Variants in FGGY observed in about 807,000 individuals in gnomAD.
FGGY encodes FGGY carbohydrate kinase domain-containing protein.
In FGGY, 72 loss-of-function variants were observed where a neutral mutation model predicts 71.3. That is an observed-to-expected ratio of 1.01 (90% CI 0.84 to 1.23). FGGY has a LOEUF of 1.23. Ranked by LOEUF, FGGY falls within the 50% of genes most tolerant of loss-of-function variation. FGGY has a pLI of 0.00. For synonymous variants in FGGY, 251 were observed against 250.3 expected (o/e 1.00, Z -0.02); for missense variants, 668 against 682.3 (o/e 0.98, Z 0.23).
rs1376801012 is a variant in FGGY, at chr1:59,560,482, C to CAT, written c.903+6261_903+6262dup. ...AATATATCAGTGTCATTCACTGTGACATATATACTTGACAAGATAGTAATG... is the reference window on the plus strand; with the variant it reads ...AATATATCAGTGTCATTCACTGTGACATATATATACTTGACAAGATAGTAATG... On this transcript the variant is annotated intron_variant, in intron 8 of 15. Coordinates refer to ENST00000303721, the MANE Select transcript of FGGY (RefSeq NM_018291.5). 4.6e-5 allele frequency among the ~76,000 whole-genome samples: 7 copies of CAT among 152,128 alleles called. No homozygotes were observed. The East Asian group carries it at 5.8e-4, about 13-fold the overall frequency.
chr1:59,557,824 GT>G (rs1177412863), intron 8 of FGGY, among the ~76,000 whole-genome samples: 1 of 152,146 alleles, frequency 6.6e-6, no homozygotes, highest in Non-Finnish European at 1.5e-5. Context: ...TTGTCTTCCA[GT>G]TAGCATGTCA....
chr1:59,304,239 T>C (rs994678667), intron 1 of FGGY, among the ~76,000 whole-genome samples: 1 of 152,180 alleles, frequency 6.6e-6, no homozygotes, highest in African/African-American at 2.4e-5. Context: ...TAATCCATTT[T>C]GAGTTGATTT....
At chr1:59,305,969 G>T (rs2043378418) in intron 1 of FGGY, among the ~76,000 whole-genome samples, 1 of 152,170 alleles carries the variant, frequency 6.6e-6, no homozygotes, top group Non-Finnish European at 1.5e-5. Flanking sequence ...AACTCAGGGA[G>T]ACTGCTGGGC....
intron 1 of FGGY, among the ~76,000 whole-genome samples, chr1:59,312,838 C>T (rs1445762252): frequency 6.6e-6 from 1 of 152,182 alleles, no homozygotes; most frequent in African/African-American, 2.4e-5. Flanking sequence ...AGTTTGGATT[C>T]TTGTGGCTGC....
At chr1:59,603,059 A>G (rs12745808) in intron 8 of FGGY, among the ~76,000 whole-genome samples, 14,559 of 152,260 alleles carry the variant, frequency 0.096, 837 homozygotes, top group South Asian at 0.3. Flanking sequence ...TCAGACACAA[A>G]GAGTACACCA....
At chr1:59,374,246 C>T (rs1470962897) in intron 4 of FGGY, among the ~76,000 whole-genome samples, 3 of 152,236 alleles carry the variant, frequency 2.0e-5, no homozygotes, top group East Asian at 1.9e-4. Flanking sequence ...GGGTGCAGGA[C>T]ATGAACAGAC....
chr1:59,596,845 T>C (rs2096530148), intron 8 of FGGY, among the ~76,000 whole-genome samples: 1 of 152,168 alleles, frequency 6.6e-6, no homozygotes, highest in African/African-American at 2.4e-5. Flanking sequence ...AGCTAGGGAA[T>C]GTAGGCTTTC....
intron 6 of FGGY, among the ~76,000 whole-genome samples, chr1:59,499,014 A>C (rs1051615821): frequency 6.6e-6 from 1 of 152,172 alleles, no homozygotes; most frequent in African/African-American, 2.4e-5. Flanking sequence ...TCTATTTTAC[A>C]GTTCCAAATT....
rs1329441893 is a variant in FGGY at position 59,761,833 on chromosome 1, A to G, written c.1575-670A>G. ...CTAGATGTGGAATCTGCAAAAGGGC[A>G]ATTAAAATGTTCAGTCTTTGTCCTT... On this transcript the variant is annotated intron_variant, in intron 15 of 15. Transcript: ENST00000303721. Among the ~76,000 whole-genome samples, 6 of 152,218 alleles carry G rather than the reference A, an allele frequency of 3.9e-5. No homozygotes were observed. The East Asian group carries it at 9.6e-4, about 24-fold the overall frequency.
Position 59,303,609 on chromosome 1 carries a change from A to C in FGGY, c.-15+6459A>C, listed in dbSNP as rs573834020. Among the ~76,000 whole-genome samples, 92 of 152,286 alleles carry C rather than the reference A, an allele frequency of 6.0e-4. 1 individual carries two copies. The Middle Eastern group carries it at 0.01, about 17-fold the overall frequency. ...AGTAGTGATTTCATTTCTTTTGGAT[A>C]TATATCCAGAAGTAAGATTACTATA... On this transcript the variant is annotated intron_variant, in intron 1 of 15. Coordinates refer to ENST00000303721, the MANE Select transcript of FGGY (RefSeq NM_018291.5).
At chr1:59,712,299 C>T (rs549561183) in intron 14 of FGGY, among the ~76,000 whole-genome samples, 83 of 152,278 alleles carry the variant, frequency 5.5e-4, no homozygotes, top group African/African-American at 1.9e-3. Flanking sequence ...TTGCACGGTA[C>T]GACCTCTCTC....
Position 59,455,035 on chromosome 1 carries a change from G to A in FGGY, c.555-1926G>A, listed in dbSNP as rs956513009. Among the ~76,000 whole-genome samples the A allele has an allele frequency of 1.1e-4, 16 of 152,310 alleles. No individual in the cohort carries two copies. In the Middle Eastern group the frequency reaches 0.01, roughly 97 times the overall value. ...TTTACCTACCATGTAATGGACAAAC[G>A]ATTCATTCTTTAATGTTTCCATTCA... On this transcript the variant is annotated intron_variant, in intron 5 of 15. Transcript: ENST00000303721.
chr1:59,362,425 G>T (rs2055743746), intron 4 of FGGY, among the ~76,000 whole-genome samples: 1 of 152,136 alleles, frequency 6.6e-6, no homozygotes, highest in Non-Finnish European at 1.5e-5. Context: ...TCCACACAAG[G>T]ACTGATGGTG....
intron 6 of FGGY, among the ~76,000 whole-genome samples, chr1:59,503,617 A>G (rs2094296116): frequency 6.8e-6 from 1 of 147,102 alleles, no homozygotes; most frequent in Non-Finnish European, 1.5e-5. Flanking sequence ...ATATATATAT[A>G]TAAAATATGT....
intron 8 of FGGY, among the ~76,000 whole-genome samples, chr1:59,601,753 A>G (rs769325865): frequency 1.3e-5 from 2 of 152,206 alleles, no homozygotes; most frequent in African/African-American, 2.4e-5. Context: ...CTGTCTTTCT[A>G]TATCTTTTCA....
chr1:59,621,459 C>CAAAAAAA (rs56172542), intron 9 of FGGY, among the ~76,000 whole-genome samples: 7 of 98,774 alleles, frequency 7.1e-5, no homozygotes, highest in South Asian at 4.1e-4. Context: ...GCCTCCGTCT[C>CAAAAAAA]AAAAAAAAAA....
At chr1:59,370,492 A>T (rs1321979907) in intron 4 of FGGY, among the ~76,000 whole-genome samples, 1 of 152,212 alleles carries the variant, frequency 6.6e-6, no homozygotes, top group Non-Finnish European at 1.5e-5. Flanking sequence ...GCAGGATATT[A>T]TCCAGGAGAA....
At chr1:59,578,226 A>G (rs1393267084) in intron 8 of FGGY, among the ~76,000 whole-genome samples, 2 of 152,114 alleles carry the variant, frequency 1.3e-5, no homozygotes, top group African/African-American at 4.8e-5. Context: ...GTTCAACTAG[A>G]GGAGCAGAAT....
intron 2 of FGGY, among the ~76,000 whole-genome samples, chr1:59,328,348 C>T (rs1013487431): frequency 6.6e-6 from 1 of 152,208 alleles, no homozygotes; most frequent in African/African-American, 2.4e-5. Context: ...GGCTTGTTTA[C>T]TTAAACCTCC....
Sources: allele counts gnomAD v4.1 joint callset (sites outside exome capture counted in the v4.1 genomes callset), GRCh38; gene constraint gnomAD v4.1.1; transcripts MANE v1.5; gene names NCBI Gene and HGNC (gene_info 2026-07-23, HGNC 2026-07-21).